Variants in MDGA2 observed in about 807,000 individuals in gnomAD.
The protein encoded by MDGA2 is MAM domain-containing glycosylphosphatidylinositol anchor protein 2.
A neutral mutation model predicts 117.8 loss-of-function variants in MDGA2; 40 were observed. The observed-to-expected ratio is 0.34, with a 90% CI of 0.26 to 0.44. MDGA2 has a LOEUF of 0.44. Ranked by LOEUF, MDGA2 falls within the 20% of genes least tolerant of loss-of-function variation. MDGA2 has a pLI of 1.00. For synonymous variants in MDGA2, 452 were observed against 439.0 expected, an observed-to-expected ratio of 1.03 and a Z score of -0.37; for missense variants, 1,123 against 1,250.6, an observed-to-expected ratio of 0.90 and a Z score of 1.54.
intron 9 of MDGA2, among the ~76,000 whole-genome samples, chr14:46,933,799 A>AATATATATATATATATATAT (rs34723414): frequency 1.1e-5 from 1 of 87,332 alleles, no homozygotes; most frequent in Non-Finnish European, 2.3e-5. Context: ...TTATGTAACA[A>AATATATATATATATATATAT]ATATATATAT....
At chr14:47,168,884 G>A (rs919492360) in intron 3 of MDGA2, among the ~76,000 whole-genome samples, 1 of 151,932 alleles carries the variant, frequency 6.6e-6, no homozygotes, top group Non-Finnish European at 1.5e-5. Flanking sequence ...ATCACCTAAA[G>A]TATTTCAATC....
intron 8 of MDGA2, among the ~76,000 whole-genome samples, chr14:47,004,196 A>ATGAT (rs1887631335): frequency 6.6e-6 from 1 of 151,960 alleles, no homozygotes; most frequent in Non-Finnish European, 1.5e-5. Flanking sequence ...GAAGATACTC[A>ATGAT]ACATTATTAG....
intron 8 of MDGA2, among the ~76,000 whole-genome samples, chr14:47,004,455 C>T (rs957856678): frequency 6.6e-6 from 1 of 151,688 alleles, no homozygotes; most frequent in African/African-American, 2.4e-5. Flanking sequence ...TATTCCAAGA[C>T]CACATTCTAT....
intron 8 of MDGA2, among the ~76,000 whole-genome samples, chr14:47,021,988 C>A (rs917351643): frequency 6.6e-6 from 1 of 152,064 alleles, no homozygotes; most frequent in Non-Finnish European, 1.5e-5. Context: ...GGTTGAATTG[C>A]AGTATCAAAA....
chr14:47,304,314 G>A (rs2139820663), intron 1 of MDGA2, among the ~76,000 whole-genome samples: 1 of 152,272 alleles, frequency 6.6e-6, no homozygotes, highest in South Asian at 2.1e-4. Flanking sequence ...GTGGCTAGTT[G>A]TGGCTAAACG....
chr14:47,338,729 T>A (rs530989348), intron 1 of MDGA2, among the ~76,000 whole-genome samples: 2 of 152,168 alleles, frequency 1.3e-5, no homozygotes, highest in Non-Finnish European at 2.9e-5. Flanking sequence ...ATAAAAGGTA[T>A]CTATAGATTC....
intron 2 of MDGA2, among the ~76,000 whole-genome samples, chr14:47,225,960 A>G (rs903562016): frequency 9.2e-5 from 14 of 152,006 alleles, no homozygotes; most frequent in Non-Finnish European, 1.5e-4. Context: ...TTTCTGCAAG[A>G]TATATGCAGA....
At chr14:46,905,059 A>G (rs141529389) in intron 10 of MDGA2, among the ~76,000 whole-genome samples, 3 of 152,342 alleles carry the variant, frequency 2.0e-5, no homozygotes, top group African/African-American at 4.8e-5. Context: ...CAAACCAGAC[A>G]ACCAGGCACA....
intron 1 of MDGA2, among the ~76,000 whole-genome samples, chr14:47,534,806 T>C (rs1895175562): frequency 6.6e-6 from 1 of 152,128 alleles, no homozygotes; most frequent in African/African-American, 2.4e-5. Context: ...AGATAACACA[T>C]GACAAATTTT....
intron 1 of MDGA2, among the ~76,000 whole-genome samples, chr14:47,421,987 C>T (rs1415018064): frequency 2.6e-5 from 4 of 151,406 alleles, no homozygotes; most frequent in Admixed American, 2.0e-4. Flanking sequence ...AAGTATTGTA[C>T]AAAGTTAACA....
At chr14:47,319,447 A>G (rs1889912078) in intron 1 of MDGA2, among the ~76,000 whole-genome samples, 1 of 152,174 alleles carries the variant, frequency 6.6e-6, no homozygotes, top group Admixed American at 6.5e-5. Context: ...TGTTCCTCCT[A>G]TTACATCAAC....
intron 1 of MDGA2, among the ~76,000 whole-genome samples, chr14:47,539,100 G>C (rs773356374): frequency 6.6e-6 from 1 of 152,150 alleles, no homozygotes; most frequent in Non-Finnish European, 1.5e-5. Flanking sequence ...GTGAGGGCTG[G>C]TTGGTGCACA....
chr14:47,488,147 C>T (rs1407370154), intron 1 of MDGA2, among the ~76,000 whole-genome samples: 3 of 151,990 alleles, frequency 2.0e-5, no homozygotes, highest in Admixed American at 6.6e-5. Context: ...TTTATTGAAT[C>T]GAGTAGGTCA....
intron 1 of MDGA2, among the ~76,000 whole-genome samples, chr14:47,562,067 C>G (rs114120337): frequency 1.3e-5 from 2 of 152,160 alleles, no homozygotes; most frequent in African/African-American, 2.4e-5. Context: ...TTGCATCCCA[C>G]GGATAAAGTC....
chr14:47,404,376 G>C (rs2416064), intron 1 of MDGA2, among the ~76,000 whole-genome samples: 39,891 of 151,696 alleles, frequency 0.26, 5,572 homozygotes, highest in Middle Eastern at 0.41. Context: ...AGTAGAGATG[G>C]GGTTTCACCA....
At chr14:46,903,273 A>G (rs1378346225) in intron 10 of MDGA2, among the ~76,000 whole-genome samples, 1 of 152,200 alleles carries the variant, frequency 6.6e-6, no homozygotes, top group East Asian at 1.9e-4. Flanking sequence ...AAATTCTGCA[A>G]CACTAATCTC....
intron 1 of MDGA2, among the ~76,000 whole-genome samples, chr14:47,605,901 T>A: frequency 6.6e-6 from 1 of 152,118 alleles, no homozygotes; most frequent in East Asian, 1.9e-4. Context: ...GGCCTTGGTT[T>A]ATCTCAAATA....
chr14:47,626,823 G>A (rs946229077), intron 1 of MDGA2, among the ~76,000 whole-genome samples: 1 of 152,216 alleles, frequency 6.6e-6, no homozygotes, highest in Non-Finnish European at 1.5e-5. Context: ...TGCGCCGCCA[G>A]AGCCTCCTGA....
intron 9 of MDGA2, among the ~76,000 whole-genome samples, chr14:46,930,994 A>G (rs1250830133): frequency 1.3e-5 from 2 of 152,040 alleles, no homozygotes; most frequent in Admixed American, 6.6e-5. Context: ...AGGCGGGCGG[A>G]TCACGAGGTC....
Sources: allele counts gnomAD v4.1 joint callset (sites outside exome capture counted in the v4.1 genomes callset), GRCh38; gene constraint gnomAD v4.1.1; transcripts MANE v1.5; gene names NCBI Gene and HGNC (gene_info 2026-07-23, HGNC 2026-07-21).